SPCS3: variants seen among roughly 807,000 people sequenced by gnomAD.
SPCS3 encodes signal peptidase complex subunit 3.
In SPCS3, 9 loss-of-function variants were observed where a neutral mutation model predicts 17.2. That is an observed-to-expected ratio of 0.52 (90% CI 0.31 to 0.91). The LOEUF (loss-of-function observed/expected upper bound fraction) is 0.91, where lower values mean the gene tolerates loss of function less well. Among genes scored for constraint, SPCS3 ranks in the 40% least tolerant of loss-of-function variants. The pLI is 0.04. For missense variants in SPCS3, 139 were observed against 217.5 expected, an observed-to-expected ratio of 0.64 and a Z score of 2.27; for synonymous variants, 87 against 89.6, an observed-to-expected ratio of 0.97 and a Z score of 0.16.
At chr4:176,327,433 C>T in intron 4 of SPCS3, 156 bp downstream of exon 4, 1 of 469,216 alleles carries the variant, frequency 2.1e-6, no homozygotes, top group Non-Finnish European at 3.9e-6. Flanking sequence ...GGTGGAAATG[C>T]AAAGTGAGAT....
intron 1 of SPCS3, chr4:176,321,096 C>T (rs1162613192): frequency 6.6e-6 from 1 of 151,842 alleles, no homozygotes. Context: ...GTTCTTTAAC[C>T]TTAGTTTATT....
Position 176,319,998 on chromosome 4 carries a change from G to A in SPCS3, c.-79G>A, listed in dbSNP as rs546658007. ...GAACGCGCGCACCGCAGACGGCGCG[G>A]ATCGCAGGGAGCCGGTCCGCCGCCG... On this transcript the variant is annotated 5_prime_UTR_variant, in exon 1 of 5. Coordinates refer to ENST00000503362, the MANE Select transcript of SPCS3 (RefSeq NM_021928.4). 5.8e-6 allele frequency: 8 copies of A among 1,390,704 alleles called. No individual in the cohort carries two copies. Among genetic ancestry groups the A allele is most frequent in the East Asian group, 2.9e-5 (1 of 35,028 alleles). The allele number at this position is 1,390,704 out of a possible 1,614,324, so 86.1% of individuals were successfully genotyped here. A position where few individuals can be genotyped will look rare whatever the true frequency, so the allele number is the denominator to read the frequency against.
At chr4:176,322,266 G>A (rs761245021) in intron 2 of SPCS3, 23 bp downstream of exon 2, 14 of 1,506,786 alleles carry the variant, frequency 9.3e-6, no homozygotes, top group South Asian at 8.0e-5. Context: ...AAAATATTTC[G>A]TTGCGTTTTC....
At chr4:176,322,910 ATGTTCTCTGCC>A (rs1731557150) in intron 2 of SPCS3, among the ~76,000 whole-genome samples, 1 of 152,042 alleles carries the variant, frequency 6.6e-6, no homozygotes, top group Non-Finnish European at 1.5e-5. Flanking sequence ...TATCTTGGCA[ATGTTCTCTGCC>A]ATTTCTAGCC....
At position 176,329,808 on chromosome 4, in the gene SPCS3, G is replaced by T. The variant is rs939948805; in HGVS notation, c.*1478G>T. ...TTACACTATTAGCAGTGACCAAAAA[G>T]GGCTAATATTTTCTAAGAATAGTTT... On this transcript the variant is annotated 3_prime_UTR_variant, in exon 5 of 5. Coordinates refer to ENST00000503362, the MANE Select transcript of SPCS3 (RefSeq NM_021928.4). 6.6e-6 allele frequency: 1 copy of T among 151,796 alleles called. No individual in the cohort carries two copies. Among genetic ancestry groups the T allele is most frequent in the African/African-American group, 2.4e-5 (1 of 41,290 alleles). 9.4% of individuals were successfully genotyped at this position (151,796 alleles called of 1,614,324 possible).
rs761956951 is a variant in SPCS3, at chr4:176,320,034, C to G, written c.-43C>G. 1.4e-6 allele frequency: 2 copies of G among 1,476,994 alleles called. No homozygotes were observed. Among genetic ancestry groups the G allele is most frequent in the African/African-American group, 1.4e-5 (1 of 69,168 alleles). The allele number at this position is 1,476,994 out of a possible 1,614,324, so 91.5% of individuals were successfully genotyped here. A position where few individuals can be genotyped will look rare whatever the true frequency, so the allele number is the denominator to read the frequency against. On this transcript the variant is annotated 5_prime_UTR_variant, in exon 1 of 5. Coordinates refer to ENST00000503362, the MANE Select transcript of SPCS3 (RefSeq NM_021928.4). ...GCCGGTCCGCCGCCGGAACGGGAGC[C>G]TGGGTGTGCGTGTGGAGTCCGGACT...
chr4:176,324,792 G>A (rs995938789), intron 3 of SPCS3, among the ~76,000 whole-genome samples: 2 of 152,162 alleles, frequency 1.3e-5, no homozygotes, highest in Non-Finnish European at 2.9e-5. Context: ...TGAAGATAAT[G>A]CTAATAATCC....
intron 1 of SPCS3, 164 bp downstream of exon 1, chr4:176,320,383 C>A: frequency 2.1e-6 from 1 of 470,628 alleles, no homozygotes; most frequent in Non-Finnish European, 3.2e-6. Context: ...CAGGGGTGGA[C>A]GTCGCAGGCT....
chr4:176,324,839 T>A (rs1731582925), intron 3 of SPCS3, among the ~76,000 whole-genome samples: 1 of 152,148 alleles, frequency 6.6e-6, no homozygotes, highest in East Asian at 1.9e-4. Flanking sequence ...GTGGAGCTCA[T>A]ACTTGTATTC....
chr4:176,322,114 C>T (rs1579356906), intron 1 of SPCS3, 56 bp from the exon 2 acceptor site: 3 of 1,158,934 alleles, frequency 2.6e-6, no homozygotes, highest in South Asian at 1.3e-5. Flanking sequence ...TAAGAAGTTA[C>T]GTGAATTGTG....
In SPCS3 at chr4:176,331,979, T is replaced by A. The variant is rs1332233204; in HGVS notation, c.*3649T>A. ...AGTAAAAGTATGCATTTTAAAAGACTTTCAGATTTATGCTTTTTACGTGAA... is the reference window on the plus strand; with the variant it reads ...AGTAAAAGTATGCATTTTAAAAGACATTCAGATTTATGCTTTTTACGTGAA... On this transcript the variant is annotated 3_prime_UTR_variant, in exon 5 of 5. Transcript: ENST00000503362. 1.3e-5 allele frequency: 2 copies of A among 152,254 alleles called. No individual in the cohort carries two copies. The highest frequency in any genetic ancestry group is 2.9e-5 in the Non-Finnish European group (2 of 68,058). The allele number at this position is 152,254 out of a possible 1,614,324, so 9.4% of individuals were successfully genotyped here. A position where few individuals can be genotyped will look rare whatever the true frequency, so the allele number is the denominator to read the frequency against.
chr4:176,328,388 C>A lies in SPCS3; in HGVS notation c.*58C>A. 1 of 1,288,152 alleles carries A rather than the reference C, an allele frequency of 7.8e-7. No homozygotes were observed. Among genetic ancestry groups the A allele is most frequent in the Non-Finnish European group, 1.0e-6 (1 of 975,202 alleles). The allele number at this position is 1,288,152 out of a possible 1,614,324, so 79.8% of individuals were successfully genotyped here. ...ACTTAATGAATTGTATCTCATTAAT[C>A]TCTTCCCTTACATCTTCATGTATTG... is the stretch of plus-strand genomic sequence containing the variant. On this transcript the variant is annotated 3_prime_UTR_variant, in exon 5 of 5. Coordinates refer to ENST00000503362, the MANE Select transcript of SPCS3 (RefSeq NM_021928.4).
chr4:176,326,018 G>C (rs12508640), intron 3 of SPCS3, among the ~76,000 whole-genome samples: 20,067 of 152,118 alleles, frequency 0.13, 1,377 homozygotes, highest in Middle Eastern at 0.18. Flanking sequence ...AACTAGTTCA[G>C]GCCGGGCACA....
Position 176,327,289 on chromosome 4 carries a change from T to C in SPCS3, c.410+12T>C. 6.9e-7 allele frequency: 1 copy of C among 1,452,428 alleles called. No individual in the cohort carries two copies. The highest frequency in any genetic ancestry group is 9.3e-7 in the Non-Finnish European group (1 of 1,079,318). 90.0% of individuals were successfully genotyped at this position (1,452,428 alleles called of 1,614,324 possible). On this transcript the variant is annotated intron_variant, in intron 4 of 4. Coordinates refer to ENST00000503362, the MANE Select transcript of SPCS3 (RefSeq NM_021928.4). ...GGAAATGGTCTCAAGTGAGCAATTC[T>C]TGGTCATTTTTTTACATTTAATAAG...
intron 4 of SPCS3, chr4:176,327,498 G>A (rs1731622815): frequency 3.0e-6 from 1 of 333,322 alleles, no homozygotes. Flanking sequence ...AACTAATAAA[G>A]CTTCTATCCT....
At position 176,327,020 on chromosome 4, in the gene SPCS3, A is replaced by AT. The variant is rs1243428943; in HGVS notation, c.295-139dup. On this transcript the variant is annotated intron_variant, in intron 3 of 4. Transcript: ENST00000503362. Reference sequence around the variant, plus strand: ...TTTTTGTATCTCTCTCTTTGCTATCATTTGTATGCATTAAGATTTCAGCAA... The same window carrying AT: ...TTTTTGTATCTCTCTCTTTGCTATCATTTTGTATGCATTAAGATTTCAGCAA... 9 of 525,026 alleles carry AT rather than the reference A, an allele frequency of 1.7e-5. No homozygotes were observed. In the Admixed American group the frequency reaches 3.6e-4, roughly 21 times the overall value. 32.5% of individuals were successfully genotyped at this position (525,026 alleles called of 1,614,324 possible).
intron 2 of SPCS3, among the ~76,000 whole-genome samples, chr4:176,323,846 C>CT (rs1224705437): frequency 0.042 from 5,953 of 140,076 alleles, 149 homozygotes; most frequent in African/African-American, 0.084. Context: ...ATCGAGTCCT[C>CT]TTTTTTTTTT....
rs1265667957 is a variant in SPCS3, at chr4:176,328,736, A to T, written c.*406A>T. The T allele has an allele frequency of 6.6e-6, 1 of 152,306 alleles. No individual in the cohort carries two copies. Among genetic ancestry groups the T allele is most frequent in the African/African-American group, 2.4e-5 (1 of 41,468 alleles). The allele number at this position is 152,306 out of a possible 1,614,324, so 9.4% of individuals were successfully genotyped here. On this transcript the variant is annotated 3_prime_UTR_variant, in exon 5 of 5. Coordinates refer to ENST00000503362, the MANE Select transcript of SPCS3 (RefSeq NM_021928.4). The stretch of plus-strand genomic sequence containing the variant: ...TTATGCCTTGCATTCACGCAAATTC[A>T]CATTGGATGTGATTTAAAAGTAGAC...
At chr4:176,321,679 A>AATAT (rs1731540907) in intron 1 of SPCS3, 1 of 152,670 alleles carries the variant, frequency 6.6e-6, no homozygotes, top group East Asian at 1.9e-4. Flanking sequence ...AAGTTATGTG[A>AATAT]ATATGATCTC....
Sources: gnomAD v4.1 joint callset for allele counts (sites outside exome capture counted in the v4.1 genomes callset) on GRCh38, gnomAD v4.1.1 for gene constraint, MANE v1.5 for transcripts, NCBI Gene and HGNC (gene_info 2026-07-23, HGNC 2026-07-21) for gene names.